C3orf20: variants seen among roughly 807,000 people sequenced by gnomAD.
C3orf20 encodes uncharacterized protein C3orf20.
In C3orf20, 76 loss-of-function variants were observed where a neutral mutation model predicts 88.3. That is an observed-to-expected ratio of 0.86 (90% CI 0.72 to 1.04). The LOEUF is 1.04. Ranked by LOEUF, C3orf20 falls within the 50% of genes least tolerant of loss-of-function variation. The pLI is 0.00. For synonymous variants in C3orf20, 436 were observed against 437.4 expected, an observed-to-expected ratio of 1.00 and a Z score of 0.04; for missense variants, 1,056 against 1,123.3, an observed-to-expected ratio of 0.94 and a Z score of 0.86.
Position 14,682,595 on chromosome 3 carries a change from A to G in C3orf20, c.-119A>G. ...CCGGATAGGAACCACTGGCTCAATG[A>G]CCTGTAAGGGCCGTTTCAGCACATC... On this transcript the variant is annotated 5_prime_UTR_variant, in exon 3 of 17. Coordinates refer to ENST00000253697, the MANE Select transcript of C3orf20 (RefSeq NM_032137.5). 7.7e-7 allele frequency: 1 copy of G among 1,305,568 alleles called. No individual in the cohort carries two copies. Among genetic ancestry groups the G allele is most frequent in the Non-Finnish European group, 1.0e-6 (1 of 955,774 alleles). The allele number at this position is 1,305,568 out of a possible 1,614,324, so 80.9% of individuals were successfully genotyped here.
intron 10 of C3orf20, 35 bp downstream of exon 10, chr3:14,721,819 C>A (rs758741526): frequency 6.2e-7 from 1 of 1,610,670 alleles, no homozygotes; most frequent in South Asian, 1.1e-5. Flanking sequence ...CAGCCCTGAC[C>A]CCTGGGCATC....
chr3:14,686,540 C>T (rs1328681660), intron 4 of C3orf20, among the ~76,000 whole-genome samples: 3 of 152,124 alleles, frequency 2.0e-5, no homozygotes, highest in South Asian at 4.1e-4. Flanking sequence ...ACAGGTGTAA[C>T]GTGGTATCTC....
chr3:14,759,852 G>A, intron 13 of C3orf20, 39 bp from the exon 14 acceptor site: 1 of 1,534,404 alleles, frequency 6.5e-7, no homozygotes, highest in Non-Finnish European at 9.0e-7. Context: ...CATCTTATTG[G>A]CATGGGGGTG....
At chr3:14,766,895 GGGAGGCTTTGAGGAGCGTGGCCA>G (rs1324140439) in intron 15 of C3orf20, 2 of 150,788 alleles carry the variant, frequency 1.3e-5, no homozygotes, top group African/African-American at 4.9e-5. Flanking sequence ...CCAGAGCTGT[GGGAGGCTTTGAGGAGCGTGGCCA>G]GGCGGCTTTG....
rs2035774733 is a variant in C3orf20, at chr3:14,768,399, A to G, written c.2496-3668A>G. On this transcript the variant is annotated intron_variant, in intron 15 of 16. Transcript: ENST00000253697. The surrounding 1 kb of genome is among the most constrained non-coding windows in gnomAD (Gnocchi z 4.1). ...ACCGGCTGCTCATGCCAGCAACCCC[A>G]CACCCCACTCAGCCCAAGGAAGCCC... 6.6e-6 allele frequency among the ~76,000 whole-genome samples: 1 copy of G among 151,918 alleles called. No homozygotes were observed. The highest frequency in any genetic ancestry group is 1.5e-5 in the Non-Finnish European group (1 of 68,004).
chr3:14,765,396 G>A (rs1463227019), intron 15 of C3orf20: 2 of 152,242 alleles, frequency 1.3e-5, no homozygotes, highest in Non-Finnish European at 2.9e-5. Flanking sequence ...GGACCATTAT[G>A]CTGGAAACAG....
chr3:14,700,930 A>G (rs1249689196), intron 5 of C3orf20, among the ~76,000 whole-genome samples: 1 of 152,202 alleles, frequency 6.6e-6, no homozygotes, highest in Admixed American at 6.5e-5. Context: ...TTTCAGCATC[A>G]GTTCCAGGAG....
chr3:14,721,569 G>A lies in C3orf20; in HGVS notation c.1435-84G>A, dbSNP rs578069910. The stretch of plus-strand genomic sequence containing the variant: ...AATCTTCTGCCCCAAGCCAACAGGG[G>A]CTTTGTGCTTCGTGGTGGGTCAGGA... On this transcript the variant is annotated intron_variant, in intron 9 of 16. Transcript: ENST00000253697. 1.2e-4 allele frequency: 184 copies of A among 1,554,920 alleles called. 2 individuals are homozygous for A. In the South Asian group the frequency reaches 2.1e-3, roughly 18 times the overall value.
chr3:14,712,517 G>C (rs1453385422), intron 7 of C3orf20, among the ~76,000 whole-genome samples: 3 of 152,088 alleles, frequency 2.0e-5, no homozygotes, highest in African/African-American at 4.8e-5. Context: ...TAATAACTTA[G>C]TCACAATAAT....
At chr3:14,764,668 C>G (rs2035654033) in intron 15 of C3orf20, among the ~76,000 whole-genome samples, 1 of 152,092 alleles carries the variant, frequency 6.6e-6, no homozygotes, top group African/African-American at 2.4e-5. Flanking sequence ...TTTGCGCACT[C>G]CCATACCTGG....
intron 13 of C3orf20, 45 bp downstream of exon 13, chr3:14,757,719 G>A (rs1373987141): frequency 1.9e-6 from 3 of 1,563,566 alleles, no homozygotes; most frequent in South Asian, 1.2e-5. Flanking sequence ...CAGGGGCAGG[G>A]GTAGTGGGGC....
At position 14,682,599 on chromosome 3, in the gene C3orf20, G is replaced by A; in HGVS notation, c.-115G>A. The A allele has an allele frequency of 7.3e-7, 1 of 1,365,694 alleles. No homozygotes were observed. Among genetic ancestry groups the A allele is most frequent in the East Asian group, 2.3e-5 (1 of 43,420 alleles). The allele number at this position is 1,365,694 out of a possible 1,614,324, so 84.6% of individuals were successfully genotyped here. A position where few individuals can be genotyped will look rare whatever the true frequency, so the allele number is the denominator to read the frequency against. ...ATAGGAACCACTGGCTCAATGACCT[G>A]TAAGGGCCGTTTCAGCACATCCATT... On this transcript the variant is annotated 5_prime_UTR_variant, in exon 3 of 17. Coordinates refer to ENST00000253697, the MANE Select transcript of C3orf20 (RefSeq NM_032137.5).
chr3:14,703,389 G>A (rs1008545664), intron 6 of C3orf20, 127 bp downstream of exon 6: 24 of 1,449,956 alleles, frequency 1.7e-5, no homozygotes, highest in Admixed American at 5.8e-5. Flanking sequence ...ACCTGGGAGC[G>A]TGGGTTATGT....
At chr3:14,696,175 A>G (rs946061006) in intron 5 of C3orf20, among the ~76,000 whole-genome samples, 2 of 149,536 alleles carry the variant, frequency 1.3e-5, no homozygotes, top group African/African-American at 4.9e-5. Context: ...TGAGGTTACC[A>G]TGAGGCTTGC....
intron 2 of C3orf20, 117 bp from the exon 3 acceptor site, chr3:14,682,461 G>A (rs2032143067): frequency 4.0e-6 from 2 of 504,914 alleles, no homozygotes; most frequent in South Asian, 5.6e-5. Flanking sequence ...CTTTCCCAAA[G>A]TGACTCACTA....
intron 9 of C3orf20, among the ~76,000 whole-genome samples, chr3:14,716,128 C>T (rs1276813578): frequency 3.9e-5 from 6 of 152,172 alleles, no homozygotes; most frequent in Admixed American, 3.9e-4. Context: ...CCAGTAGTAT[C>T]CCCTACTCCA....
At chr3:14,685,561 C>T (rs2032366383) in intron 4 of C3orf20, among the ~76,000 whole-genome samples, 1 of 150,908 alleles carries the variant, frequency 6.6e-6, no homozygotes, top group South Asian at 2.1e-4. Flanking sequence ...TTTGAGTGTG[C>T]AATACAGTGA....
At chr3:14,683,257 G>C in intron 3 of C3orf20, 60 bp downstream of exon 3, 1 of 1,509,586 alleles carries the variant, frequency 6.6e-7, no homozygotes. Context: ...GCGTCTCAGA[G>C]GCACATGCTG....
intron 5 of C3orf20, among the ~76,000 whole-genome samples, chr3:14,700,505 G>A (rs2033209672): frequency 1.3e-5 from 2 of 152,186 alleles, no homozygotes; most frequent in South Asian, 4.1e-4. Context: ...GCATTTACAA[G>A]GGGTCCTGGA....
Sources: gnomAD v4.1 joint callset for allele counts (sites outside exome capture counted in the v4.1 genomes callset) on GRCh38, gnomAD v4.1.1 for gene constraint, Gnocchi (gnomAD v3.1) non-coding constraint, MANE v1.5 for transcripts, NCBI Gene and HGNC (gene_info 2026-07-23, HGNC 2026-07-21) for gene names.